TEX9: variants seen among roughly 807,000 people sequenced by gnomAD.
The protein encoded by TEX9 is testis-expressed protein 9.
In TEX9, 74 loss-of-function variants were observed where a neutral mutation model predicts 59.6. The observed-to-expected ratio is 1.24, with a 90% confidence interval of 1.03 to 1.51. TEX9 has a LOEUF of 1.51. Ranked by LOEUF, TEX9 falls within the 40% of genes most tolerant of loss-of-function variation. TEX9 has a pLI of 0.00. For synonymous variants in TEX9, 186 were observed against 152.2 expected (o/e 1.22, Z -1.64); for missense variants, 522 against 447.8 (o/e 1.17, Z -1.49).
chr15:56,417,218 G>A (rs976490445), intron 10 of TEX9, among the ~76,000 whole-genome samples: 5 of 151,548 alleles, frequency 3.3e-5, no homozygotes, highest in African/African-American at 1.2e-4. Flanking sequence ...TCTGATTTTT[G>A]TTATTTCTCA....
At chr15:56,396,228 A>G (rs1316052719) in intron 9 of TEX9, 1 of 152,190 alleles carries the variant, frequency 6.6e-6, no homozygotes, top group Non-Finnish European at 1.5e-5. Context: ...GGTCATATTT[A>G]AAAACCCTGC....
intron 1 of TEX9, among the ~76,000 whole-genome samples, chr15:56,360,093 T>A (rs2046763415): frequency 6.6e-6 from 1 of 152,188 alleles, no homozygotes; most frequent in African/African-American, 2.4e-5. Context: ...CACTCCATTG[T>A]GTTGCATAAT....
chr15:56,245,037 C>G (rs1017434872), intron 1 of TEX9, among the ~76,000 whole-genome samples: 1 of 152,154 alleles, frequency 6.6e-6, no homozygotes, highest in East Asian at 1.9e-4. Flanking sequence ...TCAGCTTTAA[C>G]TTTTCTGATA....
chr15:56,392,331 C>G (rs1365103882), intron 7 of TEX9, among the ~76,000 whole-genome samples: 1 of 152,178 alleles, frequency 6.6e-6, no homozygotes, highest in Non-Finnish European at 1.5e-5. Flanking sequence ...CCAATCATGG[C>G]GGAAGGCAAA....
At chr15:56,422,452 T>C (rs1225939782) in intron 10 of TEX9, among the ~76,000 whole-genome samples, 1 of 151,724 alleles carries the variant, frequency 6.6e-6, no homozygotes, top group African/African-American at 2.4e-5. Context: ...TTATCTCCTT[T>C]ATTAGATCAT....
At chr15:56,394,560 G>A (rs1312213906) in intron 8 of TEX9, 101 bp from the exon 9 acceptor site, 13 of 889,656 alleles carry the variant, frequency 1.5e-5, no homozygotes, top group Middle Eastern at 3.5e-4. Flanking sequence ...CATGAAACGT[G>A]TATAAATATC....
intron 1 of TEX9, among the ~76,000 whole-genome samples, chr15:56,251,029 A>G (rs1428307744): frequency 6.6e-6 from 1 of 152,012 alleles, no homozygotes; most frequent in Admixed American, 6.6e-5. Context: ...ATGTCTTTGG[A>G]TTTTCTTTAT....
chr15:56,412,103 C>A (rs1478745006), intron 9 of TEX9, among the ~76,000 whole-genome samples, 199 bp from the exon 10 acceptor site: 1 of 152,030 alleles, frequency 6.6e-6, no homozygotes, highest in African/African-American at 2.4e-5. Flanking sequence ...GGATATATTT[C>A]TCTAATACCA....
chr15:56,455,377 G>A, the TEX9 span, among the ~76,000 whole-genome samples: 2 of 151,806 alleles, frequency 1.3e-5, no homozygotes, highest in Non-Finnish European at 2.9e-5. Context: ...TCTAAGGATC[G>A]GTAATCTCTT....
chr15:56,297,570 T>A (rs1394747064), intron 1 of TEX9, among the ~76,000 whole-genome samples: 1 of 152,228 alleles, frequency 6.6e-6, no homozygotes, highest in African/African-American at 2.4e-5. Context: ...AGTGGTGCGA[T>A]CTTGGCTCAC....
At chr15:56,247,849 C>T (rs920773033) in intron 1 of TEX9, among the ~76,000 whole-genome samples, 18 of 152,190 alleles carry the variant, frequency 1.2e-4, no homozygotes, top group Non-Finnish European at 2.1e-4. Context: ...AAATAAAATA[C>T]TCCTCTCATC....
At chr15:56,423,498 C>G (rs1409045459) in intron 10 of TEX9, among the ~76,000 whole-genome samples, 1 of 152,094 alleles carries the variant, frequency 6.6e-6, no homozygotes, top group Admixed American at 6.6e-5. Flanking sequence ...AAACTGTATT[C>G]TCTTATTTTT....
At chr15:56,300,707 GGGA>G (rs2045331667) in intron 1 of TEX9, among the ~76,000 whole-genome samples, 5 of 98,602 alleles carry the variant, frequency 5.1e-5, no homozygotes, top group East Asian at 6.0e-4. Context: ...GAGAGAGAGA[GGGA>G]GAGAGAGAGA....
chr15:56,309,461 A>G (rs935298768), intron 1 of TEX9, among the ~76,000 whole-genome samples: 1 of 152,080 alleles, frequency 6.6e-6, no homozygotes, highest in Admixed American at 6.6e-5. Flanking sequence ...TGGTTTTGCT[A>G]GTATTTCGTT....
chr15:56,409,345 T>C (rs941124954), intron 9 of TEX9, among the ~76,000 whole-genome samples: 1 of 152,174 alleles, frequency 6.6e-6, no homozygotes, highest in African/African-American at 2.4e-5. Context: ...TCCTGCCCAC[T>C]TCTCTTATCA....
chr15:56,348,991 T>C (rs1316958917), intron 1 of TEX9, among the ~76,000 whole-genome samples: 1 of 152,092 alleles, frequency 6.6e-6, no homozygotes, highest in Non-Finnish European at 1.5e-5. Context: ...TCACTAACCA[T>C]TTCCTTGTCA....
At chr15:56,261,193 T>G (rs1359460609) in intron 1 of TEX9, among the ~76,000 whole-genome samples, 1 of 152,098 alleles carries the variant, frequency 6.6e-6, no homozygotes, top group Non-Finnish European at 1.5e-5. Flanking sequence ...TTGTTGATTT[T>G]TCTCAATTTT....
chr15:56,249,052 C>T (rs1241554874), intron 1 of TEX9: 4 of 152,110 alleles, frequency 2.6e-5, no homozygotes, highest in African/African-American at 9.7e-5. Context: ...TCAAGAAGCT[C>T]ATAATCTAAT....
intron 1 of TEX9, among the ~76,000 whole-genome samples, chr15:56,277,729 C>G (rs2044707217): frequency 6.6e-6 from 1 of 152,070 alleles, no homozygotes; most frequent in Admixed American, 6.6e-5. Context: ...TTAGGTATAC[C>G]TCACATTACA....
Sources: gnomAD v4.1 joint callset for allele counts (sites outside exome capture counted in the v4.1 genomes callset) on GRCh38, gnomAD v4.1.1 for gene constraint, MANE v1.5 for transcripts, NCBI Gene and HGNC (gene_info 2026-07-23, HGNC 2026-07-21) for gene names.